FAF1: variants seen among roughly 807,000 people sequenced by gnomAD.
FAF1 encodes the protein FAS-associated factor 1.
Under a neutral mutation model 92.5 loss-of-function variants are expected in FAF1, and 25 were observed. That is an observed-to-expected ratio of 0.27 (90% confidence interval 0.20 to 0.38). The LOEUF is 0.38. FAF1 is among the 10% of genes least tolerant of loss of function. FAF1 has a pLI of 1.00. For missense variants in FAF1, 636 were observed against 793.3 expected, an observed-to-expected ratio of 0.80 and a Z score of 2.38; for synonymous variants, 234 against 273.2, an observed-to-expected ratio of 0.86 and a Z score of 1.42.
At chr1:50,835,570 C>CAAAAAAAAAAAAAAAAAAAAAAAAAAA (rs573942977) in intron 2 of FAF1, among the ~76,000 whole-genome samples, 2 of 54,892 alleles carry the variant, frequency 3.6e-5, no homozygotes. Flanking sequence ...GACTCCATCT[C>CAAAAAAAAAAAAAAAAAAAAAAAAAAA]AAAAAAAAAA....
intron 8 of FAF1, among the ~76,000 whole-genome samples, chr1:50,644,929 T>C (rs540039460): frequency 7.2e-5 from 11 of 152,370 alleles, no homozygotes; most frequent in African/African-American, 2.6e-4. Context: ...TCATATTTAC[T>C]GAGCAAACAT....
chr1:50,798,244 T>C (rs766089261), intron 3 of FAF1, among the ~76,000 whole-genome samples: 30 of 152,324 alleles, frequency 2.0e-4, no homozygotes, highest in Middle Eastern at 6.8e-3. Context: ...GGTCAAGGTT[T>C]GAAAATAAAC....
At chr1:50,444,764 C>T (rs79170582) in intron 18 of FAF1, among the ~76,000 whole-genome samples, 2,630 of 152,206 alleles carry the variant, frequency 0.017, 76 homozygotes, top group African/African-American at 0.061. Context: ...GAAATAGGTA[C>T]GATTCTTTCC....
chr1:50,944,663 T>C (rs1645160028), intron 1 of FAF1, among the ~76,000 whole-genome samples: 1 of 152,172 alleles, frequency 6.6e-6, no homozygotes. Flanking sequence ...CTCAACCAAA[T>C]AGTCACTATC....
At chr1:50,932,011 T>G (rs1329383132) in intron 1 of FAF1, among the ~76,000 whole-genome samples, 1 of 143,940 alleles carries the variant, frequency 6.9e-6, no homozygotes, top group East Asian at 2.0e-4. Context: ...GGAATAATAA[T>G]AATAATAATA....
At chr1:50,493,205 G>C (rs937274626) in intron 15 of FAF1, among the ~76,000 whole-genome samples, 1 of 151,846 alleles carries the variant, frequency 6.6e-6, no homozygotes, top group African/African-American at 2.4e-5. Flanking sequence ...GCTAATTTTT[G>C]TATTTTTAGT....
chr1:50,619,810 T>C (rs1653104303), intron 8 of FAF1, among the ~76,000 whole-genome samples: 1 of 152,150 alleles, frequency 6.6e-6, no homozygotes, highest in African/African-American at 2.4e-5. Flanking sequence ...TTAGGGAAAT[T>C]TTCATGGACT....
At chr1:50,610,140 GTACTCCAA>G (rs1046833450) in intron 8 of FAF1, among the ~76,000 whole-genome samples, 8 of 152,178 alleles carry the variant, frequency 5.3e-5, no homozygotes, top group Non-Finnish European at 8.8e-5. Flanking sequence ...GGTTCTTACT[GTACTCCAA>G]TACAGTGGGG....
chr1:50,848,446 T>C (rs1644320994), intron 2 of FAF1, among the ~76,000 whole-genome samples: 1 of 152,238 alleles, frequency 6.6e-6, no homozygotes, highest in Non-Finnish European at 1.5e-5. Context: ...AGAGGTATAA[T>C]TATGTCAATG....
intron 8 of FAF1, among the ~76,000 whole-genome samples, chr1:50,596,832 T>G (rs1651844053): frequency 6.6e-6 from 1 of 152,182 alleles, no homozygotes; most frequent in Non-Finnish European, 1.5e-5. Flanking sequence ...TTGTCAAAAC[T>G]GGTTAATAAA....
chr1:50,641,458 A>T (rs1235214823), intron 8 of FAF1, among the ~76,000 whole-genome samples: 2 of 152,180 alleles, frequency 1.3e-5, no homozygotes, highest in African/African-American at 4.8e-5. Flanking sequence ...TTAAAAAAAT[A>T]GTATGTTTTT....
At chr1:50,860,849 T>G (rs1042842331) in intron 1 of FAF1, among the ~76,000 whole-genome samples, 3 of 151,824 alleles carry the variant, frequency 2.0e-5, no homozygotes, top group Non-Finnish European at 4.4e-5. Flanking sequence ...CCATCAACAA[T>G]GGACTGGATA....
chr1:50,913,510 G>A (rs1380165939), intron 1 of FAF1, among the ~76,000 whole-genome samples: 2 of 152,138 alleles, frequency 1.3e-5, no homozygotes, highest in African/African-American at 4.8e-5. Context: ...TCTTCAAGAT[G>A]TTAACATCAA....
chr1:50,826,869 C>A (rs935148176), intron 2 of FAF1, among the ~76,000 whole-genome samples: 1 of 152,034 alleles, frequency 6.6e-6, no homozygotes. Flanking sequence ...CAAAAAAATT[C>A]CAGACACCGT....
chr1:50,499,706 C>T (rs185383939), intron 15 of FAF1, among the ~76,000 whole-genome samples: 19 of 152,202 alleles, frequency 1.2e-4, no homozygotes, highest in Admixed American at 9.8e-4. Context: ...AAATAAATAA[C>T]AAGCAACCCC....
intron 1 of FAF1, among the ~76,000 whole-genome samples, chr1:50,949,481 C>T (rs1645197184): frequency 6.6e-6 from 1 of 152,184 alleles, no homozygotes; most frequent in Admixed American, 6.5e-5. Flanking sequence ...CCAATGTCCC[C>T]TGGGGGACAG....
chr1:50,933,752 C>A (rs113948240), intron 1 of FAF1, among the ~76,000 whole-genome samples: 389 of 152,228 alleles, frequency 2.6e-3, no homozygotes, highest in African/African-American at 9.0e-3. Flanking sequence ...AAACAGGGAA[C>A]AAAGAGAGGT....
chr1:50,452,326 A>T, intron 18 of FAF1: 1 of 382,888 alleles, frequency 2.6e-6, no homozygotes, highest in East Asian at 7.1e-5. Context: ...TGGCAAGATA[A>T]ACCTAATGCA....
chr1:50,668,897 G>T (rs1655748185), intron 7 of FAF1, among the ~76,000 whole-genome samples: 1 of 152,090 alleles, frequency 6.6e-6, no homozygotes, highest in African/African-American at 2.4e-5. Flanking sequence ...TAAACTGCCT[G>T]AAGTCTCCTG....
Sources: gnomAD v4.1 joint callset for allele counts (sites outside exome capture counted in the v4.1 genomes callset) on GRCh38, gnomAD v4.1.1 for gene constraint, MANE v1.5 for transcripts, NCBI Gene and HGNC (gene_info 2026-07-23, HGNC 2026-07-21) for gene names.